ACTN1: variants seen among roughly 807,000 people sequenced by gnomAD.
ACTN1 encodes the protein alpha-actinin-1.
A neutral mutation model predicts 119.6 loss-of-function variants in ACTN1; 30 were observed. That is an observed-to-expected ratio of 0.25 (90% CI 0.19 to 0.34). The LOEUF (loss-of-function observed/expected upper bound fraction) is 0.34. ACTN1 is among the 10% of genes least tolerant of loss of function. ACTN1 has a pLI of 1.00. For missense variants in ACTN1, 764 were observed against 1,223.4 expected, an observed-to-expected ratio of 0.62 and a Z score of 5.60; for synonymous variants, 429 against 472.6, an observed-to-expected ratio of 0.91 and a Z score of 1.20.
At chr14:68,951,241 G>A (rs573366537) in intron 1 of ACTN1, among the ~76,000 whole-genome samples, 32 of 152,284 alleles carry the variant, frequency 2.1e-4, no homozygotes, top group African/African-American at 7.2e-4. Context: ...TGAGCCAGCC[G>A]ACTCTCTTTT....
chr14:68,884,044 G>T lies in ACTN1; in HGVS notation c.1635+124C>A, dbSNP rs2273419. The T allele has an allele frequency of 0.11, 111,192 of 1,046,124 alleles. 6,334 individuals carry two copies. The highest frequency in any genetic ancestry group is 0.16 in the African/African-American group (10,022 of 61,916). The allele number at this position is 1,046,124 out of a possible 1,614,324, so 64.8% of individuals were successfully genotyped here. ...TTGTCAAAATAAGTCAAATGCAAAG[G>T]TTCTGGGTCTATAAAATCCTTAGGA... On this transcript the variant is annotated intron_variant, in intron 14 of 21. Transcript: ENST00000394419.
intron 7 of ACTN1, among the ~76,000 whole-genome samples, chr14:68,904,402 G>A (rs368977562): frequency 7.2e-5 from 11 of 152,288 alleles, no homozygotes; most frequent in African/African-American, 2.6e-4. Context: ...GCAAAGACAA[G>A]AACCATCCTC....
intron 21 of ACTN1, 134 bp from the exon 22 acceptor site, chr14:68,875,151 A>T: frequency 6.5e-7 from 1 of 1,535,112 alleles, no homozygotes; most frequent in Non-Finnish European, 8.7e-7. Context: ...CTGTAACTAC[A>T]GGATGTACGG....
At chr14:68,883,778 TA>T (rs986088502) in intron 14 of ACTN1, among the ~76,000 whole-genome samples, 1 of 151,890 alleles carries the variant, frequency 6.6e-6, no homozygotes, top group African/African-American at 2.4e-5. Context: ...ACCTTGTCTC[TA>T]AAAAAATAAA....
intron 8 of ACTN1, among the ~76,000 whole-genome samples, 191 bp downstream of exon 8, chr14:68,902,286 A>G (rs940991979): frequency 2.6e-5 from 4 of 152,156 alleles, no homozygotes; most frequent in Non-Finnish European, 5.9e-5. Context: ...AAGATGAGAG[A>G]GAGAGGTGTG....
intron 9 of ACTN1, 26 bp downstream of exon 9, chr14:68,893,629 G>A (rs745998470): frequency 2.5e-6 from 4 of 1,609,682 alleles, no homozygotes; most frequent in Admixed American, 1.7e-5. Flanking sequence ...GCTAGAGTCA[G>A]GCCAGGTGAA....
intron 10 of ACTN1, among the ~76,000 whole-genome samples, chr14:68,891,193 G>C (rs1728900905): frequency 1.0e-5 from 1 of 97,732 alleles, no homozygotes; most frequent in South Asian, 4.8e-4. Context: ...TGACACTCCT[G>C]TTACTTTTCA....
intron 1 of ACTN1, among the ~76,000 whole-genome samples, chr14:68,966,909 G>T (rs1013987667): frequency 2.0e-5 from 3 of 152,212 alleles, no homozygotes; most frequent in African/African-American, 7.2e-5. Flanking sequence ...GAGAGGAAGG[G>T]GCAGGATGAA....
At chr14:68,932,884 C>T (rs1054408158) in intron 1 of ACTN1, among the ~76,000 whole-genome samples, 2 of 152,042 alleles carry the variant, frequency 1.3e-5, no homozygotes, top group African/African-American at 4.8e-5. Flanking sequence ...GCAAAATTCA[C>T]CCCTCAGTTC....
At chr14:68,888,127 G>A (rs143247298) in intron 11 of ACTN1, 7 of 593,186 alleles carry the variant, frequency 1.2e-5, no homozygotes, top group Admixed American at 2.5e-5. Flanking sequence ...TGCGGGCCGC[G>A]GCATGCTGAC....
intron 1 of ACTN1, among the ~76,000 whole-genome samples, chr14:68,927,956 C>A (rs1009221498): frequency 6.6e-6 from 1 of 151,884 alleles, no homozygotes; most frequent in Non-Finnish European, 1.5e-5. Context: ...CTTGGCCATC[C>A]CCAGCACCCA....
At chr14:68,960,162 G>A (rs2036479856) in intron 1 of ACTN1, among the ~76,000 whole-genome samples, 2 of 152,098 alleles carry the variant, frequency 1.3e-5, no homozygotes. Context: ...GCTGTCTCGG[G>A]GTGGCAGAGG....
At chr14:68,904,804 T>A in intron 6 of ACTN1, 68 bp from the exon 7 acceptor site, 2 of 1,401,444 alleles carry the variant, frequency 1.4e-6, no homozygotes, top group Non-Finnish European at 2.0e-6. Context: ...TACTCCCAAT[T>A]GGGTGGCCAC....
chr14:68,954,635 A>G (rs2036289973), intron 1 of ACTN1, among the ~76,000 whole-genome samples: 1 of 152,110 alleles, frequency 6.6e-6, no homozygotes, highest in African/African-American at 2.4e-5. Flanking sequence ...CCATACAGAG[A>G]ATATTTTTAA....
intron 1 of ACTN1, among the ~76,000 whole-genome samples, chr14:68,926,855 A>T (rs767763623): frequency 5.3e-5 from 8 of 152,190 alleles, no homozygotes; most frequent in Non-Finnish European, 1.0e-4. Context: ...GTATCAGGGG[A>T]AAAGAAATAG....
In ACTN1 at chr14:68,878,035, G is replaced by T; in HGVS notation, c.2427+423C>A. On this transcript the variant is annotated intron_variant, in intron 20 of 21. Transcript: ENST00000394419. This position sits in a 1 kb window ranked among gnomAD's most constrained non-coding sequence, Gnocchi z 4.4. ...AAGGTTGGGGGGTGGGGGACGGCCT[G>T]GGACAATCCAGAGGGGCGGCAGGCC... The T allele has an allele frequency of 5.5e-6, 1 of 182,980 alleles. No individual in the cohort carries two copies. The allele number at this position is 182,980 out of a possible 1,614,324, so 11.3% of individuals were successfully genotyped here.
At position 68,880,773 on chromosome 14, in the gene ACTN1, C is replaced by T. The variant is rs182818072; in HGVS notation, c.2133+37G>A. On this transcript the variant is annotated intron_variant, in intron 17 of 21. Transcript: ENST00000394419. This position sits in a 1 kb window ranked among gnomAD's most constrained non-coding sequence, Gnocchi z 4.6. ...CCAGGAGAAAGAGCAGAAGGGGCCA[C>T]GGGCTCCCGAAGAGGAACAAGGCCA... 1.3e-4 allele frequency: 209 copies of T among 1,603,678 alleles called. No homozygotes were observed. Among genetic ancestry groups the T allele is most frequent in the Middle Eastern group, 1.8e-4 (1 of 5,582 alleles).
At chr14:68,965,042 G>A (rs556933290) in intron 1 of ACTN1, among the ~76,000 whole-genome samples, 13 of 152,286 alleles carry the variant, frequency 8.5e-5, no homozygotes, top group African/African-American at 2.9e-4. Flanking sequence ...ACAGAGGCCC[G>A]CCCCATGTGC....
intron 1 of ACTN1, among the ~76,000 whole-genome samples, chr14:68,950,967 A>AG (rs1160600161): frequency 5.3e-5 from 8 of 152,196 alleles, no homozygotes; most frequent in African/African-American, 1.9e-4. Context: ...CTCCAGTTAG[A>AG]GGGGGGCAAT....
Sources: gnomAD v4.1 joint callset for allele counts (sites outside exome capture counted in the v4.1 genomes callset) on GRCh38, gnomAD v4.1.1 for gene constraint, Gnocchi (gnomAD v3.1) non-coding constraint, MANE v1.5 for transcripts, NCBI Gene and HGNC (gene_info 2026-07-23, HGNC 2026-07-21) for gene names.